The following PDYN variants were observed in gnomAD, a reference collection of about 807,000 sequenced individuals.
PDYN encodes the protein prodynorphin, also known as proenkephalin-B.
A neutral mutation model predicts 11.4 loss-of-function variants in PDYN; 5 were observed. The ratio of observed to expected loss-of-function variants is 0.44; its 90% CI spans 0.23 to 0.92. PDYN has a LOEUF of 0.92. Among genes scored for constraint, PDYN ranks in the 40% least tolerant of loss-of-function variants. The pLI is 0.24. For synonymous variants in PDYN, 132 were observed against 129.5 expected, an observed-to-expected ratio of 1.02 and a Z score of -0.13; for missense variants, 337 against 317.3, an observed-to-expected ratio of 1.06 and a Z score of -0.47.
At chr20:1,983,626 T>C (rs1987970728) in intron 2 of PDYN, among the ~76,000 whole-genome samples, 1 of 152,234 alleles carries the variant, frequency 6.6e-6, no homozygotes, top group South Asian at 2.1e-4. Flanking sequence ...TCTCCCACTC[T>C]GGTACTGTCA....
chr20:1,988,633 T>C (rs1024939389), intron 2 of PDYN, among the ~76,000 whole-genome samples: 1 of 152,230 alleles, frequency 6.6e-6, no homozygotes, highest in Non-Finnish European at 1.5e-5. Context: ...AGGGCCTGCA[T>C]GGTCTTCTTT....
intron 2 of PDYN, among the ~76,000 whole-genome samples, chr20:1,987,275 GA>G (rs59583596): frequency 6.6e-6 from 1 of 151,286 alleles, no homozygotes; most frequent in African/African-American, 2.5e-5. Flanking sequence ...ATGAATGAAT[GA>G]ATGGTGTCCC....
At chr20:1,989,163 A>T (rs1046496507) in intron 2 of PDYN, among the ~76,000 whole-genome samples, 1 of 152,192 alleles carries the variant, frequency 6.6e-6, no homozygotes, top group African/African-American at 2.4e-5. Context: ...CTTAAATAAT[A>T]AAACATTTTT....
At chr20:1,983,141 TCAC>T in intron 2 of PDYN, 38 bp from the exon 3 acceptor site, 1 of 1,565,374 alleles carries the variant, frequency 6.4e-7, no homozygotes, top group Non-Finnish European at 8.7e-7. Flanking sequence ...AAATCTGTGA[TCAC>T]CACTCTGTAG....
rs947395569 is a variant in PDYN at position 1,992,607 on chromosome 20, C to G, written c.-43G>C. The G allele has an allele frequency of 2.6e-5, 4 of 152,158 alleles. No homozygotes were observed. Among genetic ancestry groups the G allele is most frequent in the African/African-American group, 9.7e-5 (4 of 41,404 alleles). The allele number at this position is 152,158 out of a possible 1,614,324, so 9.4% of individuals were successfully genotyped here. A position where few individuals can be genotyped will look rare whatever the true frequency, so the allele number is the denominator to read the frequency against. On this transcript the variant is annotated 5_prime_UTR_variant, in exon 2 of 4. Coordinates refer to ENST00000217305, the MANE Select transcript of PDYN (RefSeq NM_024411.5). ...ACCGGCTTGGGCTGCTGCAACAGCTCCCCCCACGCAGATCTCAAAGCCTGA... is the reference window on the plus strand; with the variant it reads ...ACCGGCTTGGGCTGCTGCAACAGCTGCCCCCACGCAGATCTCAAAGCCTGA...
chr20:1,986,638 C>G (rs1235773146), intron 2 of PDYN, among the ~76,000 whole-genome samples: 2 of 152,194 alleles, frequency 1.3e-5, no homozygotes, highest in Non-Finnish European at 2.9e-5. Flanking sequence ...CTCCGTAAGA[C>G]TGGGACTAAT....
rs1194308720 is a variant in PDYN, at chr20:1,980,684, T to G, written c.404A>C (p.Asp135Ala). 6 of 1,614,200 alleles carry G rather than the reference T, an allele frequency of 3.7e-6. No homozygotes were observed. Among genetic ancestry groups the G allele is most frequent in the Non-Finnish European group, 5.1e-6 (6 of 1,180,030 alleles). ...SLEEKLRGLSDGFREGAESEL... is the reference protein window; with the variant it reads ...SLEEKLRGLSAGFREGAESEL... ...AGACTCTGCTCCCTCCCTAAACCCG[T>G]CAGAGAGACCCCTGAGCTTCTCCTC... The change falls in exon 4 of 4, where the codon GAC becomes GCC. Residue 135 changes from aspartate to alanine, a missense_variant. Coordinates refer to ENST00000217305, the MANE Select transcript of PDYN (RefSeq NM_024411.5).
intron 2 of PDYN, 127 bp from the exon 3 acceptor site, chr20:1,983,230 A>C (rs1038390811): frequency 1.2e-6 from 1 of 868,920 alleles, no homozygotes; most frequent in African/African-American, 1.7e-5. Flanking sequence ...CCCATTCTAC[A>C]GTCAAGAAAA....
rs369559888 is a variant in PDYN at position 1,983,011 on chromosome 20, C to A, written c.74G>T (p.Arg25Leu). The change falls in exon 3 of 4, where the codon CGG becomes CTG. Residue 25 changes from arginine to leucine, a missense_variant. Transcript: ENST00000217305. ...GGTCTTTACAGCACACAAGGAGCAC[C>A]GCGACAGGCAGTCCGCTGTGGTGGA... ...FPSTTADCLS[R>L]CSLCAVKTQD... The A allele has an allele frequency of 1.2e-6, 2 of 1,614,016 alleles. No individual in the cohort carries two copies. Among genetic ancestry groups the A allele is most frequent in the South Asian group, 2.2e-5 (2 of 91,080 alleles).
rs76930692 is a variant in PDYN, at chr20:1,988,103, A to G, written c.-20+4481T>C. Among the ~76,000 whole-genome samples the G allele has an allele frequency of 2.1e-3, 323 of 152,330 alleles. 1 individual carries two copies. The highest frequency in any genetic ancestry group is 7.0e-3 in the African/African-American group (291 of 41,572). On this transcript the variant is annotated intron_variant, in intron 2 of 3. Coordinates refer to ENST00000217305, the MANE Select transcript of PDYN (RefSeq NM_024411.5). ...AACCCAGCAACAGCCACCGATTCTC[A>G]GGAGCCTACTGGGTGCCAGGCTGTG...
In PDYN at chr20:1,980,672, T is replaced by TAA. The variant is rs773975577; in HGVS notation, c.415_416insTT (p.Glu139ValfsTer8). ...CCTCATCAGCTCAGACTCTGCTCCC[T>TAA]CCCTAAACCCGTCAGAGAGACCCCT... is the stretch of plus-strand genomic sequence containing the variant. On this transcript the variant is annotated frameshift_variant, in exon 4 of 4. Coordinates refer to ENST00000217305, the MANE Select transcript of PDYN (RefSeq NM_024411.5). LOFTEE classifies it high-confidence loss of function. 6.2e-7 allele frequency: 1 copy of TAA among 1,614,176 alleles called. No homozygotes were observed. Among genetic ancestry groups the TAA allele is most frequent in the Non-Finnish European group, 8.5e-7 (1 of 1,180,032 alleles).
Position 1,980,664 on chromosome 20 carries a change from C to T in PDYN, c.424G>A (p.Glu142Lys). 1.2e-6 allele frequency: 2 copies of T among 1,614,230 alleles called. No homozygotes were observed. Among genetic ancestry groups the T allele is most frequent in the South Asian group, 2.2e-5 (2 of 91,084 alleles). ...TGGGCATCCCTCATCAGCTCAGACT[C>T]TGCTCCCTCCCTAAACCCGTCAGAG... ...GLSDGFREGAESELMRDAQLN... is the reference protein window; with the variant it reads ...GLSDGFREGAKSELMRDAQLN... The change falls in exon 4 of 4, where the codon GAG becomes AAG. Residue 142 changes from glutamate (E) to lysine (K), a missense_variant. Transcript: ENST00000217305.
intron 2 of PDYN, among the ~76,000 whole-genome samples, chr20:1,989,874 G>C (rs1462696909): frequency 2.0e-5 from 3 of 152,192 alleles, no homozygotes; most frequent in African/African-American, 7.2e-5. Context: ...CAGCCAGCAA[G>C]GACTGAGACG....
rs1248892377 is a variant in PDYN at position 1,980,260 on chromosome 20, A to C, written c.*63T>G. On this transcript the variant is annotated 3_prime_UTR_variant, in exon 4 of 4. Transcript: ENST00000217305. ...GGGGCACATATAAGAGGATGAATGA[A>C]TGCACTCCAACCTGAAAAGGTGTCA... 1.3e-6 allele frequency: 2 copies of C among 1,511,100 alleles called. No homozygotes were observed. The highest frequency in any genetic ancestry group is 2.7e-5 in the African/African-American group (2 of 72,804). The allele number at this position is 1,511,100 out of a possible 1,614,324, so 93.6% of individuals were successfully genotyped here.
chr20:1,993,422 C>T (rs1481839228), intron 1 of PDYN, among the ~76,000 whole-genome samples: 2 of 152,206 alleles, frequency 1.3e-5, no homozygotes, highest in Non-Finnish European at 2.9e-5. Context: ...AAGGCCGAAC[C>T]TGGCCGTACA....
chr20:1,990,048 G>C (rs936627765), intron 2 of PDYN, among the ~76,000 whole-genome samples: 2 of 152,168 alleles, frequency 1.3e-5, no homozygotes, highest in African/African-American at 2.4e-5. Context: ...TAAGTCCATC[G>C]CATTCCTCAT....
chr20:1,980,210 A>G lies in PDYN; in HGVS notation c.*113T>C. On this transcript the variant is annotated 3_prime_UTR_variant, in exon 4 of 4. Coordinates refer to ENST00000217305, the MANE Select transcript of PDYN (RefSeq NM_024411.5). ...TAGGCTGGGCTTGGATATTTTGTAC[A>G]CAATGCTGAGCTGAGCATGGGGAAG... 2 of 1,077,112 alleles carry G rather than the reference A, an allele frequency of 1.9e-6. No individual in the cohort carries two copies. The highest frequency in any genetic ancestry group is 2.9e-6 in the Non-Finnish European group (2 of 699,458). 66.7% of individuals were successfully genotyped at this position (1,077,112 alleles called of 1,614,324 possible).
intron 2 of PDYN, among the ~76,000 whole-genome samples, chr20:1,988,821 A>G (rs889318356): frequency 1.1e-4 from 17 of 152,170 alleles, no homozygotes; most frequent in African/African-American, 4.1e-4. Context: ...TTTCAGACTC[A>G]CCAGCCTGCC....
At chr20:1,982,260 AAAAT>A (rs1445090768) in intron 3 of PDYN, among the ~76,000 whole-genome samples, 1 of 152,304 alleles carries the variant, frequency 6.6e-6, no homozygotes, top group East Asian at 1.9e-4. Context: ...CTGTCTCGGA[AAAAT>A]AAATAAATAA....
Sources: gnomAD v4.1 joint callset for allele counts (sites outside exome capture counted in the v4.1 genomes callset) on GRCh38, gnomAD v4.1.1 for gene constraint, MANE v1.5 for transcripts, NCBI Gene and HGNC (gene_info 2026-07-23, HGNC 2026-07-21) for gene names.